Variants in ZNF423 observed in about 807,000 individuals in gnomAD.
ZNF423 encodes the protein Ebf-associated zinc finger protein.
In ZNF423, 12 loss-of-function variants were observed where a neutral mutation model predicts 95.8. The ratio of observed to expected loss-of-function variants is 0.13; its 90% CI spans 0.08 to 0.20. ZNF423 has a LOEUF of 0.20. Ranked by LOEUF, ZNF423 falls within the 10% of genes least tolerant of loss-of-function variation. The probability of loss-of-function intolerance (pLI) is 1.00; values close to 1 mark genes in which losing one functional copy is unlikely to be tolerated. For missense variants in ZNF423, 1,316 were observed against 1,737.1 expected (o/e 0.76, Z 4.31); for synonymous variants, 749 against 711.9 (o/e 1.05, Z -0.83).
intron 1 of ZNF423, among the ~76,000 whole-genome samples, chr16:49,832,430 G>A (rs959607450): frequency 5.3e-5 from 8 of 152,128 alleles, no homozygotes; most frequent in Non-Finnish European, 7.3e-5. Context: ...CTCGCAAAGC[G>A]ACTCCCTGTC....
At chr16:49,767,747 G>A (rs1049345288) in intron 2 of ZNF423, among the ~76,000 whole-genome samples, 7 of 152,172 alleles carry the variant, frequency 4.6e-5, no homozygotes, top group Non-Finnish European at 8.8e-5. Flanking sequence ...CAACATTCCA[G>A]CAGGCACCAG....
intron 2 of ZNF423, among the ~76,000 whole-genome samples, chr16:49,756,993 G>A (rs539732076): frequency 6.6e-6 from 1 of 152,180 alleles, no homozygotes; most frequent in Non-Finnish European, 1.5e-5. Context: ...CCTAACTATA[G>A]TGAGAAGTCC....
chr16:49,730,840 C>A lies in ZNF423; in HGVS notation c.232G>T (p.Asp78Tyr). Residue 78 changes from aspartate (D) to tyrosine (Y), a missense_variant, in exon 3 of 8, where the codon GAT becomes TAT. This residue lies in a region of ZNF423 where 155 missense variants were observed against 170.8 expected (regional missense o/e 0.91). Transcript: ENST00000563137. ...GACTCGAAGTCCTGCTGACAGTGAT[C>A]GCAGGTGTAAATTGATTCATCCTCC... is the stretch of plus-strand genomic sequence containing the variant. ...DMEDESIYTC[D>Y]HCQQDFESLA... 1 of 1,614,150 alleles carries A rather than the reference C, an allele frequency of 6.2e-7. No homozygotes were observed. Among genetic ancestry groups the A allele is most frequent in the Non-Finnish European group, 8.5e-7 (1 of 1,180,038 alleles).
intron 2 of ZNF423, among the ~76,000 whole-genome samples, chr16:49,747,046 C>T (rs765096640): frequency 6.6e-6 from 1 of 152,078 alleles, no homozygotes; most frequent in Non-Finnish European, 1.5e-5. Flanking sequence ...AGACAGAGAT[C>T]GGGGGAAAGA....
rs949399433 is a variant in ZNF423, at chr16:49,733,072, C to T, written c.101-2101G>A. Among the ~76,000 whole-genome samples the T allele has an allele frequency of 3.3e-5, 5 of 152,194 alleles. No individual in the cohort carries two copies. The East Asian group carries it at 5.8e-4, about 18-fold the overall frequency. ...ATTTATCTCAGGGAATCTGATCTGC[C>T]GCTGCAGTGAGGGTAAGAAATAGAA... On this transcript the variant is annotated intron_variant, in intron 2 of 7. Coordinates refer to ENST00000563137, the MANE Select transcript of ZNF423 (RefSeq NM_001379286.1).
intron 1 of ZNF423, among the ~76,000 whole-genome samples, chr16:49,815,882 ATATATATATATAT>A (rs1249769841): frequency 2.2e-4 from 9 of 40,978 alleles, no homozygotes; most frequent in Admixed American, 3.6e-4. Flanking sequence ...AAAAAAAAAA[ATATATATATATAT>A]ATATATATAT....
intron 1 of ZNF423, among the ~76,000 whole-genome samples, chr16:49,817,536 C>T (rs1266861921): frequency 6.6e-6 from 1 of 152,082 alleles, no homozygotes; most frequent in African/African-American, 2.4e-5. Flanking sequence ...GAACACAGGT[C>T]CCATCAGACC....
intron 1 of ZNF423, among the ~76,000 whole-genome samples, chr16:49,808,253 G>C (rs116641282): frequency 6.6e-6 from 1 of 151,768 alleles, no homozygotes; most frequent in Admixed American, 6.6e-5. Flanking sequence ...GTAGAGACAG[G>C]GTTTTACCAT....
intron 7 of ZNF423, chr16:49,517,715 T>G: frequency 4.2e-6 from 1 of 240,112 alleles, no homozygotes. Context: ...CAGTTAATGG[T>G]GAGTTTCTTG....
intron 5 of ZNF423, among the ~76,000 whole-genome samples, chr16:49,576,287 T>C (rs1279752459): frequency 2.0e-5 from 3 of 152,154 alleles, no homozygotes; most frequent in Non-Finnish European, 4.4e-5. Flanking sequence ...GGCAGCTGAC[T>C]GGGGTGCCTG....
In ZNF423 at chr16:49,620,183, A is replaced by T. The variant is rs576537874; in HGVS notation, c.3601+5987T>A. Among the ~76,000 whole-genome samples the T allele has an allele frequency of 1.4e-3, 218 of 150,440 alleles. 2 individuals carry two copies. Among genetic ancestry groups the T allele is most frequent in the Middle Eastern group, 3.4e-3 (1 of 290 alleles). ...CACACCACACACACACAACACACAC[A>T]TACACACACATACACATACACACAC... On this transcript the variant is annotated intron_variant, in intron 5 of 7. Transcript: ENST00000563137.
chr16:49,700,973 C>T (rs931893886), intron 3 of ZNF423, among the ~76,000 whole-genome samples: 6 of 152,136 alleles, frequency 3.9e-5, no homozygotes, highest in African/African-American at 1.4e-4. Context: ...GTCTTATCAG[C>T]AACTTAGAAT....
intron 3 of ZNF423, among the ~76,000 whole-genome samples, chr16:49,641,321 G>A (rs1000962938): frequency 6.6e-6 from 1 of 152,198 alleles, no homozygotes; most frequent in Non-Finnish European, 1.5e-5. Context: ...CTCCTGCGTG[G>A]GTAAGAAGGG....
chr16:49,730,852 T>C lies in ZNF423; in HGVS notation c.220A>G (p.Ile74Val), dbSNP rs2033148726. The change falls in exon 3 of 8, where the codon ATT becomes GTT. Residue 74 changes from isoleucine (I) to valine (V), a missense_variant. By Grantham distance (29) the Ile-to-Val change is conservative. This residue lies in a region of ZNF423 where 155 missense variants were observed against 170.8 expected (regional missense o/e 0.91). Coordinates refer to ENST00000563137, the MANE Select transcript of ZNF423 (RefSeq NM_001379286.1). ...EDDEDMEDES[I>V]YTCDHCQQDF... ...TGCTGACAGTGATCGCAGGTGTAAA[T>C]TGATTCATCCTCCATGTCTTCATCA... The C allele has an allele frequency of 6.2e-7, 1 of 1,614,044 alleles. No homozygotes were observed. Among genetic ancestry groups the C allele is most frequent in the Non-Finnish European group, 8.5e-7 (1 of 1,180,038 alleles).
Position 49,635,941 on chromosome 16 carries a change from T to G in ZNF423, c.3235A>C (p.Lys1079Gln). 1 of 1,592,920 alleles carries G rather than the reference T, an allele frequency of 6.3e-7. No homozygotes were observed. The highest frequency in any genetic ancestry group is 8.6e-7 in the Non-Finnish European group (1 of 1,168,648). Residue 1079 changes from lysine (K) to glutamine (Q), a missense_variant, in exon 4 of 8, where the codon AAG (lysine) becomes CAG (glutamine). By Grantham distance (53) the Lys-to-Gln change is moderately conservative. Transcript: ENST00000563137. The surrounding 1 kb of genome is among the most constrained non-coding windows in gnomAD (Gnocchi z 4.8). ...AGGTCCTGCTTGCTGCGGAACTCCT[T>G]GAGGCACAGGGCGCACTTGTAGAGC... ...QKLYKCALCL[K>Q]EFRSKQDLVK...
At chr16:49,584,771 G>T (rs2151807146) in intron 5 of ZNF423, among the ~76,000 whole-genome samples, 1 of 152,266 alleles carries the variant, frequency 6.6e-6, no homozygotes. Context: ...TTGTATTAGG[G>T]CCCAACTGAG....
At chr16:49,610,385 C>T (rs1373365695) in intron 5 of ZNF423, among the ~76,000 whole-genome samples, 1 of 152,114 alleles carries the variant, frequency 6.6e-6, no homozygotes, top group African/African-American at 2.4e-5. Context: ...ATAGTTAAGA[C>T]AGTCATAAGT....
intron 5 of ZNF423, among the ~76,000 whole-genome samples, chr16:49,577,862 C>T (rs1159038357): frequency 2.6e-5 from 4 of 152,194 alleles, no homozygotes; most frequent in East Asian, 3.8e-4. Context: ...TATTTGCCAG[C>T]GATAGAGACC....
At position 49,549,878 on chromosome 16, in the gene ZNF423, T is replaced by C. The variant is rs531498359; in HGVS notation, c.3602-24384A>G. ...TTTCAAATATGTTTTGTTTTTTCCT[T>C]CTTTTTTTTTTTAGACACAGGTCTC... On this transcript the variant is annotated intron_variant, in intron 5 of 7. Transcript: ENST00000563137. Among the ~76,000 whole-genome samples, 28 of 152,110 alleles carry C rather than the reference T, an allele frequency of 1.8e-4. 1 individual carries two copies. The South Asian group carries it at 5.2e-3, about 28-fold the overall frequency.
Sources: allele counts gnomAD v4.1 joint callset (sites outside exome capture counted in the v4.1 genomes callset), GRCh38; gene constraint gnomAD v4.1.1; regional missense constraint gnomAD v4.1.1; non-coding constraint Gnocchi (gnomAD v3.1); transcripts MANE v1.5; gene names NCBI Gene and HGNC (gene_info 2026-07-23, HGNC 2026-07-21).